EYA3: variants seen among roughly 807,000 people sequenced by gnomAD.
EYA3 encodes protein phosphatase EYA3.
In EYA3, 39 loss-of-function variants were observed where a neutral mutation model predicts 80.0. That is an observed-to-expected ratio of 0.49 (90% CI 0.38 to 0.64). The LOEUF (loss-of-function observed/expected upper bound fraction) is 0.64, where lower values mean the gene tolerates loss of function less well. EYA3 is among the 30% of genes least tolerant of loss of function. The pLI, the probability that EYA3 is intolerant of heterozygous loss-of-function variation, is 0.00. For synonymous variants in EYA3, 206 were observed against 232.8 expected, an observed-to-expected ratio of 0.88 and a Z score of 1.05; for missense variants, 523 against 676.1, an observed-to-expected ratio of 0.77 and a Z score of 2.51.
At chr1:28,060,294 T>G (rs1286598200) in intron 1 of EYA3, among the ~76,000 whole-genome samples, 2 of 152,240 alleles carry the variant, frequency 1.3e-5, no homozygotes, top group Non-Finnish European at 2.9e-5. Context: ...TTTAAAAATC[T>G]GAATTACATT....
At chr1:27,982,688 G>A (rs1209004308) in intron 16 of EYA3, among the ~76,000 whole-genome samples, 1 of 151,860 alleles carries the variant, frequency 6.6e-6, no homozygotes, top group Non-Finnish European at 1.5e-5. Flanking sequence ...CGCCTCCTGG[G>A]TTCAAGCTAT....
chr1:28,068,982 T>A (rs1037739239), intron 1 of EYA3, among the ~76,000 whole-genome samples: 14 of 151,448 alleles, frequency 9.2e-5, no homozygotes, highest in Non-Finnish European at 1.5e-4. Flanking sequence ...AATTTTTGTA[T>A]TTTTAGTAGA....
intron 1 of EYA3, among the ~76,000 whole-genome samples, chr1:28,059,697 C>A (rs1644549749): frequency 6.8e-6 from 1 of 147,748 alleles, no homozygotes; most frequent in Non-Finnish European, 1.5e-5. Context: ...GGAATACCTT[C>A]AATACCTCAT....
At chr1:28,035,978 C>A (rs1463727374) in intron 5 of EYA3, among the ~76,000 whole-genome samples, 1 of 152,132 alleles carries the variant, frequency 6.6e-6, no homozygotes, top group Non-Finnish European at 1.5e-5. Flanking sequence ...CCATGCCTGG[C>A]TAATTTTTGT....
At chr1:28,045,583 C>T (rs1571885039) in intron 3 of EYA3, among the ~76,000 whole-genome samples, 1 of 152,192 alleles carries the variant, frequency 6.6e-6, no homozygotes, top group African/African-American at 2.4e-5. Context: ...ACATCCCCTA[C>T]ATACTCAACT....
chr1:28,054,575 T>C (rs895270359), intron 2 of EYA3, among the ~76,000 whole-genome samples: 1 of 152,012 alleles, frequency 6.6e-6, no homozygotes, highest in African/African-American at 2.4e-5. Context: ...CTCTGAAAAA[T>C]CACAGAGAAT....
Position 28,042,616 on chromosome 1 carries a change from G to T in EYA3, c.112C>A (p.Pro38Thr), listed in dbSNP as rs149459415. Reference sequence around the variant, plus strand: ...TTTGAAGCAAGGCTTGATGTTTCAGGCTTCTGATCACTGACATCTGGATTG... The same window carrying T: ...TTTGAAGCAAGGCTTGATGTTTCAGTCTTCTGATCACTGACATCTGGATTG... ...VSNPDVSDQK[P>T]ETSSLASNLP... Residue 38 changes from proline (P) to threonine (T), a missense_variant, in exon 4 of 18, where the codon CCT becomes ACT. Pro to Thr is a conservative substitution (Grantham distance 38). Coordinates refer to ENST00000373871, the MANE Select transcript of EYA3 (RefSeq NM_001990.4). 2.6e-4 allele frequency: 425 copies of T among 1,614,038 alleles called. No individual in the cohort carries two copies. The highest frequency in any genetic ancestry group is 3.1e-4 in the Non-Finnish European group (361 of 1,180,006).
At chr1:28,046,797 T>C (rs536195629) in intron 3 of EYA3, among the ~76,000 whole-genome samples, 1 of 152,186 alleles carries the variant, frequency 6.6e-6, no homozygotes, top group African/African-American at 2.4e-5. Context: ...AGAATGTTTG[T>C]AAGGGACTAA....
In EYA3 at chr1:27,973,549, G is replaced by C. The variant is rs1445391467; in HGVS notation, c.*917C>G. ...TGGAAGCTAAGCCTCCTGTGATACA[G>C]TCTGAATGACAGTCAAGCTGAAGGA... On this transcript the variant is annotated 3_prime_UTR_variant, in exon 18 of 18. Transcript: ENST00000373871. 1 of 152,096 alleles carries C rather than the reference G, an allele frequency of 6.6e-6. No individual in the cohort carries two copies. Among genetic ancestry groups the C allele is most frequent in the African/African-American group, 2.4e-5 (1 of 41,418 alleles). 9.4% of individuals were successfully genotyped at this position (152,096 alleles called of 1,614,324 possible).
chr1:27,983,992 T>C (rs1034193126), intron 16 of EYA3, among the ~76,000 whole-genome samples: 1 of 152,132 alleles, frequency 6.6e-6, no homozygotes, highest in Non-Finnish European at 1.5e-5. Flanking sequence ...GCCAATTAAA[T>C]GTGTTGTAAA....
intron 2 of EYA3, among the ~76,000 whole-genome samples, chr1:28,055,089 G>A (rs191537968): frequency 9.3e-4 from 142 of 152,256 alleles, no homozygotes; most frequent in Non-Finnish European, 1.6e-4. Flanking sequence ...TTTATTGATA[G>A]CTTAAAAGAT....
intron 1 of EYA3, among the ~76,000 whole-genome samples, chr1:28,061,080 C>G (rs188820833): frequency 2.0e-5 from 3 of 152,094 alleles, no homozygotes; most frequent in Non-Finnish European, 2.9e-5. Context: ...TCAATGACCA[C>G]GAATAATTTT....
At chr1:28,046,535 G>A (rs771423941) in intron 3 of EYA3, among the ~76,000 whole-genome samples, 29 of 152,010 alleles carry the variant, frequency 1.9e-4, no homozygotes, top group Non-Finnish European at 3.5e-4. Context: ...AGAAGGTAGG[G>A]GGCAAGGAGG....
Position 28,038,724 on chromosome 1 carries a change from TAA to T in EYA3, c.224+113_224+114del, listed in dbSNP as rs771364673. On this transcript the variant is annotated intron_variant, in intron 5 of 17. Transcript: ENST00000373871. ...ATTAAAAATTGGAATGACGATAGAATAAGAGAGGTAAAAATAATTTAAATATC... is the reference window on the plus strand; with the variant it reads ...ATTAAAAATTGGAATGACGATAGAATGAGAGGTAAAAATAATTTAAATATC... 5.4e-4 allele frequency: 305 copies of T among 560,980 alleles called. 1 individual carries two copies. The highest frequency in any genetic ancestry group is 5.2e-4 in the Non-Finnish European group (171 of 331,608). The allele number at this position is 560,980 out of a possible 1,614,324, so 34.8% of individuals were successfully genotyped here. A position where few individuals can be genotyped will look rare whatever the true frequency, so the allele number is the denominator to read the frequency against.
intron 13 of EYA3, among the ~76,000 whole-genome samples, chr1:27,996,411 G>A (rs924656665): frequency 1.3e-5 from 2 of 151,916 alleles, no homozygotes; most frequent in African/African-American, 4.8e-5. Flanking sequence ...ACGTATAAGA[G>A]GAAAAAAAAC....
At chr1:28,040,144 A>G (rs1643695575) in intron 4 of EYA3, among the ~76,000 whole-genome samples, 1 of 152,248 alleles carries the variant, frequency 6.6e-6, no homozygotes, top group South Asian at 2.1e-4. Flanking sequence ...ATTATACTAT[A>G]GAAGAATCAA....
At chr1:28,021,044 T>TGCTTTGTA (rs1178282263) in intron 7 of EYA3, among the ~76,000 whole-genome samples, 2 of 152,236 alleles carry the variant, frequency 1.3e-5, no homozygotes, top group Admixed American at 6.5e-5. Context: ...GTGGCACAGC[T>TGCTTTGTA]GCACCAAGTG....
chr1:28,029,425 T>C (rs1199318824), intron 6 of EYA3, among the ~76,000 whole-genome samples: 1 of 152,222 alleles, frequency 6.6e-6, no homozygotes, highest in Non-Finnish European at 1.5e-5. Context: ...ACTTCTTGAC[T>C]TCCTTAGCAG....
At chr1:28,058,673 AAAG>A (rs1179833540) in intron 1 of EYA3, among the ~76,000 whole-genome samples, 4 of 152,234 alleles carry the variant, frequency 2.6e-5, no homozygotes, top group African/African-American at 9.6e-5. Context: ...TTTTAGAACT[AAAG>A]AAAATAATCA....
Sources: gnomAD v4.1 joint callset for allele counts (sites outside exome capture counted in the v4.1 genomes callset) on GRCh38, gnomAD v4.1.1 for gene constraint, MANE v1.5 for transcripts, NCBI Gene and HGNC (gene_info 2026-07-23, HGNC 2026-07-21) for gene names.